ABCA7: variants seen among roughly 807,000 people sequenced by gnomAD.
ABCA7 encodes the protein ATP binding cassette subfamily A member 7.
ABCA7 carries 261 observed loss-of-function variants against 227.6 expected under a neutral mutation model. That is an observed-to-expected ratio of 1.15 (90% CI 1.04 to 1.27). The LOEUF (loss-of-function observed/expected upper bound fraction) is 1.27. Ranked by LOEUF, ABCA7 falls within the 50% of genes most tolerant of loss-of-function variation. The pLI is 0.00. For missense variants in ABCA7, 3,331 were observed against 2,924.5 expected (o/e 1.14, Z -3.21); for synonymous variants, 1,488 against 1,279.7 (o/e 1.16, Z -3.47).
chr19:1,050,710 G>T (rs1034438183), intron 18 of ABCA7, among the ~76,000 whole-genome samples: 4 of 150,330 alleles, frequency 2.7e-5, no homozygotes, highest in Admixed American at 2.0e-4. Flanking sequence ...AACCCGGGAG[G>T]TGGAGCTTGC....
At position 1,062,190 on chromosome 19, in the gene ABCA7, T is replaced by G. The variant is rs756585145; in HGVS notation, c.5589T>G (p.Ser1863Arg). 6.2e-7 allele frequency: 1 copy of G among 1,612,316 alleles called. No homozygotes were observed. Reference protein sequence around the residue: ...LAGHSVAREPSAAHLSMGYCP... With the variant: ...LAGHSVAREPRAAHLSMGYCP... ...TCCCCAGCGTGGCCCGGGAACCCAG[T>G]GCTGCGCACCTCAGCATGGGATACT... Residue 1863 changes from serine (S) to arginine (R), a missense_variant, in exon 42 of 47, where the codon AGT becomes AGG. Coordinates refer to ENST00000263094, the MANE Select transcript of ABCA7 (RefSeq NM_019112.4).
intron 25 of ABCA7, 69 bp from the exon 26 acceptor site, chr19:1,053,937 C>A: frequency 6.2e-7 from 1 of 1,604,972 alleles, no homozygotes; most frequent in South Asian, 1.1e-5. Flanking sequence ...AGCCTTTACC[C>A]TATACCTGAT....
At position 1,047,593 on chromosome 19, in the gene ABCA7, T is replaced by C; in HGVS notation, c.2208T>C (p.Leu736=). The C allele has an allele frequency of 6.2e-7, 1 of 1,603,624 alleles. No individual in the cohort carries two copies. The highest frequency in any genetic ancestry group is 8.5e-7 in the Non-Finnish European group (1 of 1,179,336). The change falls in exon 16 of 47, where the codon CTT becomes CTC. Residue 736 remains leucine (L), a synonymous_variant. Coordinates refer to ENST00000263094, the MANE Select transcript of ABCA7 (RefSeq NM_019112.4). ...DVFSLAQVSG[L]LLLDAALYGL... ...TCAGCCTGGCCCAGGTCTCTGGCCTTCTGCTGCTGGACGCGGCGCTCTACG... is the reference window on the plus strand; with the variant it reads ...TCAGCCTGGCCCAGGTCTCTGGCCTCCTGCTGCTGGACGCGGCGCTCTACG...
chr19:1,055,499 C>CA, intron 30 of ABCA7, 148 bp downstream of exon 30: 6 of 427,094 alleles, frequency 1.4e-5, no homozygotes, highest in Non-Finnish European at 1.8e-5. Context: ...TTCCTTTCCT[C>CA]TTTTTTTTTT....
chr19:1,061,279 C>T (rs1198502427), intron 40 of ABCA7, among the ~76,000 whole-genome samples: 2 of 151,662 alleles, frequency 1.3e-5, no homozygotes, highest in South Asian at 2.1e-4. Flanking sequence ...CGCCTGTAGT[C>T]CCAGCTACTC....
chr19:1,063,403 A>G (rs2042815220), intron 42 of ABCA7, 141 bp from the exon 43 acceptor site: 7 of 1,218,374 alleles, frequency 5.7e-6, no homozygotes, highest in Admixed American at 2.5e-5. Flanking sequence ...CCCCCACCAC[A>G]CTATGTCCCA....
intron 30 of ABCA7, 79 bp downstream of exon 30, chr19:1,055,430 G>A: frequency 5.5e-6 from 8 of 1,447,800 alleles, no homozygotes; most frequent in Non-Finnish European, 7.3e-6. Flanking sequence ...GGTCCTGGAG[G>A]AGGAAGTGGA....
Position 1,043,035 on chromosome 19 carries a change from C to T in ABCA7, c.580-6C>T, listed in dbSNP as rs779760203. ...TTGCCAGCTCCGTCTGGTAACCTCTCTCTAGCTCCTGGCGCTGCGCAGCCT... is the reference window on the plus strand; with the variant it reads ...TTGCCAGCTCCGTCTGGTAACCTCTTTCTAGCTCCTGGCGCTGCGCAGCCT... On this transcript the variant is annotated splice_region_variant and splice_polypyrimidine_tract_variant and intron_variant, in intron 7 of 46. Transcript: ENST00000263094. The T allele has an allele frequency of 1.9e-6, 3 of 1,595,800 alleles. No homozygotes were observed. The highest frequency in any genetic ancestry group is 1.7e-5 in the Admixed American group (1 of 59,048).
At position 1,042,380 on chromosome 19, in the gene ABCA7, A is replaced by G. The variant is rs375490467; in HGVS notation, c.481A>G (p.Thr161Ala). ...PPMLDVAELL[T>A]SLLRTESLGL... The stretch of plus-strand genomic sequence containing the variant: ...CATGCTGGATGTCGCGGAGCTGCTG[A>G]CGTCACTGCTGCGCACGGTAGGGTG... Residue 161 changes from threonine (T) to alanine (A), a missense_variant, in exon 6 of 47, where the codon ACG becomes GCG. Coordinates refer to ENST00000263094, the MANE Select transcript of ABCA7 (RefSeq NM_019112.4). 21 of 1,607,158 alleles carry G rather than the reference A, an allele frequency of 1.3e-5. No homozygotes were observed. Among genetic ancestry groups the G allele is most frequent in the Non-Finnish European group, 1.5e-5 (18 of 1,175,442 alleles).
rs770437040 is a variant in ABCA7, at chr19:1,065,352, C to T, written c.6368C>T (p.Ala2123Val). The change falls in exon 47 of 47, where the codon GCG becomes GTG. Residue 2123 changes from alanine (A) to valine (V), a missense_variant. Coordinates refer to ENST00000263094, the MANE Select transcript of ABCA7 (RefSeq NM_019112.4). ...QKEAGVGVDPAPGLQHPKRVS... is the reference protein window; with the variant it reads ...QKEAGVGVDPVPGLQHPKRVS... ...GAGGCAGGAGTGGGAGTGGACCCCG[C>T]GCCAGGCCTGCAGCACCCCAAACGC... 3.7e-6 allele frequency: 6 copies of T among 1,613,596 alleles called. No homozygotes were observed. The highest frequency in any genetic ancestry group is 1.6e-4 in the Middle Eastern group (1 of 6,062).
rs771862599 is a variant in ABCA7, at chr19:1,052,106, C to G, written c.3127C>G (p.Pro1043Ala). ...CCTGACGCTGGTGAAGGCCCGCCTG[C>G]CCCTGACCACCAATGAGAAGGTGGG... Reference protein sequence around the residue: ...YYLTLVKARLPLTTNEKADTD... With the variant: ...YYLTLVKARLALTTNEKADTD... The change falls in exon 22 of 47, where the codon CCC becomes GCC. Residue 1043 changes from proline (P) to alanine (A), a missense_variant. Coordinates refer to ENST00000263094, the MANE Select transcript of ABCA7 (RefSeq NM_019112.4). 6.2e-7 allele frequency: 1 copy of G among 1,612,272 alleles called. No individual in the cohort carries two copies. Among genetic ancestry groups the G allele is most frequent in the South Asian group, 1.1e-5 (1 of 91,046 alleles).
intron 1 of ABCA7, among the ~76,000 whole-genome samples, chr19:1,040,796 C>T (rs1003331235): frequency 6.6e-6 from 1 of 152,186 alleles, no homozygotes; most frequent in Non-Finnish European, 1.5e-5. Flanking sequence ...CTCTGGGTGC[C>T]TGGGTTTGCT....
chr19:1,060,363 C>T (rs556235818), intron 40 of ABCA7, among the ~76,000 whole-genome samples: 56 of 151,600 alleles, frequency 3.7e-4, no homozygotes, highest in African/African-American at 1.1e-3. Context: ...AGGCACATGC[C>T]GCCATGCCCA....
chr19:1,064,581 A>T, intron 45 of ABCA7: 1 of 406,824 alleles, frequency 2.5e-6, no homozygotes, highest in Admixed American at 4.3e-5. Flanking sequence ...GCGGGGCCAT[A>T]GGAAAGTGGG....
intron 30 of ABCA7, 40 bp downstream of exon 30, chr19:1,055,391 A>G: frequency 1.3e-6 from 2 of 1,523,190 alleles, no homozygotes; most frequent in Non-Finnish European, 1.8e-6. Flanking sequence ...TGGCTATAGC[A>G]TGGGTCCTTG....
intron 44 of ABCA7, 100 bp downstream of exon 44, chr19:1,063,963 C>G: frequency 7.0e-7 from 1 of 1,422,658 alleles, no homozygotes; most frequent in South Asian, 1.4e-5. Flanking sequence ...GGTCCTGGCC[C>G]TAGTGGGGCG....
chr19:1,043,914 G>A, intron 10 of ABCA7, 73 bp downstream of exon 10: 1 of 1,330,422 alleles, frequency 7.5e-7, no homozygotes, highest in Non-Finnish European at 1.1e-6. Flanking sequence ...TGGATGGGAA[G>A]GTGGGCTCCG....
chr19:1,043,095 G>C lies in ABCA7; in HGVS notation c.634G>C (p.Gly212Arg). The C allele has an allele frequency of 6.2e-7, 1 of 1,612,420 alleles. No individual in the cohort carries two copies. Among genetic ancestry groups the C allele is most frequent in the Non-Finnish European group, 8.5e-7 (1 of 1,179,508 alleles). ...TCGGGCACTGCTGCAGAGACCCCGA[G>C]GGACCAGCGGCCCCCTGGAGTTGCT... ...ELRALLQRPR[G>R]TSGPLELLSE... The change falls in exon 8 of 47, where the codon GGG becomes CGG. Residue 212 changes from glycine to arginine, a missense_variant. Gly to Arg is a moderately radical substitution (Grantham distance 125). Coordinates refer to ENST00000263094, the MANE Select transcript of ABCA7 (RefSeq NM_019112.4).
Position 1,043,816 on chromosome 19 carries a change from A to G in ABCA7, c.1022A>G (p.Asp341Gly). The change falls in exon 10 of 47, where the codon GAC becomes GGC. Residue 341 changes from aspartate to glycine, a missense_variant. Physicochemically the swap from Asp to Gly is moderately conservative, Grantham distance 94. Transcript: ENST00000263094. ...CCCCGGATCTTCACCTTCATGAACG[A>G]CAGTTCCAATGTGGCCATGCTGCAG... ...LGPRIFTFMN[D>G]SSNVAMLQRL... The G allele has an allele frequency of 6.2e-7, 1 of 1,612,904 alleles. No homozygotes were observed. The highest frequency in any genetic ancestry group is 8.5e-7 in the Non-Finnish European group (1 of 1,179,920).
Sources: gnomAD v4.1 joint callset for allele counts (sites outside exome capture counted in the v4.1 genomes callset) on GRCh38, gnomAD v4.1.1 for gene constraint, MANE v1.5 for transcripts, NCBI Gene and HGNC (gene_info 2026-07-23, HGNC 2026-07-21) for gene names.